The following SPINK8 variants were observed in gnomAD, a reference collection of about 807,000 sequenced individuals.
SPINK8 encodes the protein serine protease inhibitor Kazal-type 8.
Under a neutral mutation model 14.4 loss-of-function variants are expected in SPINK8, and 12 were observed. The observed-to-expected ratio is 0.83, with a 90% CI of 0.53 to 1.35. The LOEUF (loss-of-function observed/expected upper bound fraction) is 1.35. SPINK8 is among the 40% of genes most tolerant of loss of function. SPINK8 has a pLI of 0.00. For synonymous variants in SPINK8, 32 were observed against 37.6 expected (o/e 0.85, Z 0.55); for missense variants, 103 against 117.0 (o/e 0.88, Z 0.55).
At position 48,329,185 on chromosome 3, in the gene SPINK8, T is replaced by C. The variant is rs2036183880; in HGVS notation, c.-46A>G. On this transcript the variant is annotated 5_prime_UTR_variant, in exon 3 of 8. Coordinates refer to ENST00000434006, the MANE Select transcript of SPINK8 (RefSeq NM_001080525.3). ...GACTCCCATGGTTGCTCTGAGAAAC[T>C]GGCTGAACAGGATGGTTTTTGTTGA... Among the ~76,000 whole-genome samples, 1 of 152,232 alleles carries C rather than the reference T, an allele frequency of 6.6e-6. No individual in the cohort carries two copies. Among genetic ancestry groups the C allele is most frequent in the Non-Finnish European group, 1.5e-5 (1 of 68,030 alleles).
chr3:48,312,757 G>C (rs2035937980), intron 6 of SPINK8, among the ~76,000 whole-genome samples: 1 of 152,082 alleles, frequency 6.6e-6, no homozygotes, highest in Non-Finnish European at 1.5e-5. Context: ...CCAGCACTTT[G>C]GGAGGCCGAG....
At chr3:48,331,157 C>G (rs994936339) in intron 2 of SPINK8, among the ~76,000 whole-genome samples, 7 of 152,178 alleles carry the variant, frequency 4.6e-5, no homozygotes, top group Admixed American at 2.0e-4. Context: ...AATGTATGGC[C>G]TGAAGTTCAG....
intron 6 of SPINK8, among the ~76,000 whole-genome samples, chr3:48,311,249 C>T (rs999976125): frequency 9.9e-5 from 15 of 152,156 alleles, no homozygotes; most frequent in East Asian, 7.7e-4. Flanking sequence ...TTCTTCAACA[C>T]GATAAAGAAC....
rs869147798 is a variant in SPINK8, at chr3:48,307,961, CTTTTTTTTTTTTTTTT to C, written c.283-974_283-959del. 1.2e-3 allele frequency among the ~76,000 whole-genome samples: 82 copies of C among 68,226 alleles called. 2 individuals carry two copies. Among genetic ancestry groups the C allele is most frequent in the Non-Finnish European group, 3.2e-4 (12 of 37,744 alleles). 44.8% of individuals were successfully genotyped at this position (68,226 alleles called of 152,430 possible). A position where few individuals can be genotyped will look rare whatever the true frequency, so the allele number is the denominator to read the frequency against. On this transcript the variant is annotated intron_variant, in intron 7 of 7. Coordinates refer to ENST00000434006, the MANE Select transcript of SPINK8 (RefSeq NM_001080525.3). ...ATGAATTCTGACTTCAGTCTGCATT[CTTTTTTTTTTTTTTTT>C]TTTTTTTTTTTTTTGAGACGGAGTC... is the stretch of plus-strand genomic sequence containing the variant.
intron 6 of SPINK8, among the ~76,000 whole-genome samples, chr3:48,314,668 C>G (rs531139798): frequency 2.0e-5 from 3 of 152,186 alleles, no homozygotes; most frequent in Non-Finnish European, 4.4e-5. Flanking sequence ...TCTCTTGGTG[C>G]AAACAGCCTT....
At chr3:48,325,279 G>A (rs182812038) in intron 4 of SPINK8, among the ~76,000 whole-genome samples, 65 of 151,706 alleles carry the variant, frequency 4.3e-4, no homozygotes, top group Admixed American at 1.0e-3. Flanking sequence ...TAATTCATTC[G>A]CATTTAATTT....
intron 6 of SPINK8, 106 bp downstream of exon 6, chr3:48,319,391 G>T (rs2036037720): frequency 1.5e-6 from 2 of 1,297,352 alleles, no homozygotes. Context: ...TGTCTGGAGA[G>T]AAGGTCTCAT....
At position 48,329,241 on chromosome 3, in the gene SPINK8, G is replaced by T. The variant is rs527809062; in HGVS notation, c.-102C>A. On this transcript the variant is annotated 5_prime_UTR_variant, in exon 3 of 8. Coordinates refer to ENST00000434006, the MANE Select transcript of SPINK8 (RefSeq NM_001080525.3). ...TGTTCATAATGAACTAGGAAGGAAG[G>T]CAAAGCTTATTTGTCTTTTCAAGGT... 1.0e-3 allele frequency among the ~76,000 whole-genome samples: 153 copies of T among 152,348 alleles called. No homozygotes were observed. The highest frequency in any genetic ancestry group is 2.2e-3 in the Admixed American group (34 of 15,304).
At chr3:48,319,055 G>A (rs1370750570) in intron 6 of SPINK8, among the ~76,000 whole-genome samples, 2 of 152,234 alleles carry the variant, frequency 1.3e-5, no homozygotes, top group Non-Finnish European at 2.9e-5. Flanking sequence ...GCAAAAGAAA[G>A]TTGTTTTGGA....
intron 4 of SPINK8, among the ~76,000 whole-genome samples, chr3:48,327,376 G>A (rs1219297143): frequency 6.6e-6 from 1 of 152,210 alleles, no homozygotes; most frequent in Non-Finnish European, 1.5e-5. Context: ...GCATACAGGG[G>A]AGAAATAGGT....
At chr3:48,330,766 G>A (rs1034958426) in intron 2 of SPINK8, among the ~76,000 whole-genome samples, 6 of 151,488 alleles carry the variant, frequency 4.0e-5, no homozygotes, top group Admixed American at 4.0e-4. Flanking sequence ...ACAAGCCCCT[G>A]TTTAAACGTG....
At chr3:48,328,793 A>T (rs2036179591) in intron 3 of SPINK8, among the ~76,000 whole-genome samples, 1 of 152,142 alleles carries the variant, frequency 6.6e-6, no homozygotes, top group Non-Finnish European at 1.5e-5. Flanking sequence ...ACTCAACAAC[A>T]TGTGTAAGTC....
At position 48,319,172 on chromosome 3, in the gene SPINK8, G is replaced by T. The variant is rs531469293; in HGVS notation, c.239+325C>A. ...TTTGTTTCTGTTCTTTGGCCTGAGG[G>T]GGCATGAGGATGACCTTCATGTAGG... On this transcript the variant is annotated intron_variant, in intron 6 of 7. Transcript: ENST00000434006. Among the ~76,000 whole-genome samples the T allele has an allele frequency of 3.9e-5, 6 of 152,250 alleles. No homozygotes were observed. The South Asian group carries it at 1.0e-3, about 26-fold the overall frequency.
At chr3:48,328,514 C>A (rs964965965) in intron 3 of SPINK8, among the ~76,000 whole-genome samples, 160 bp from the exon 4 acceptor site, 1 of 152,068 alleles carries the variant, frequency 6.6e-6, no homozygotes, top group African/African-American at 2.4e-5. Flanking sequence ...TTGTTTAATT[C>A]ATTTCCCTAA....
intron 6 of SPINK8, chr3:48,316,236 CA>C (rs1171379288): frequency 6.5e-6 from 1 of 153,504 alleles, no homozygotes; most frequent in Non-Finnish European, 1.5e-5. Context: ...CCAGTAAGTT[CA>C]AAAAACTTAC....
rs767643652 is a variant in SPINK8 at position 48,328,319 on chromosome 3, G to A, written c.23C>T (p.Ala8Val). ...CATGGAGGTAGCTAGAACAAGGATG[G>A]CGTCTGAGCAGATCCCCTTCATGGT... MKGICSD[A>V]ILVLATSMWM... The change falls in exon 4 of 8, where the codon GCC becomes GTC. Residue 8 changes from alanine (A) to valine (V), a missense_variant. Physicochemically the swap from Ala to Val is moderately conservative, Grantham distance 64 (BLOSUM62 0). Coordinates refer to ENST00000434006, the MANE Select transcript of SPINK8 (RefSeq NM_001080525.3). 1.2e-5 allele frequency: 19 copies of A among 1,611,310 alleles called. No homozygotes were observed. In the South Asian group the frequency reaches 2.0e-4, roughly 17 times the overall value.
intron 6 of SPINK8, among the ~76,000 whole-genome samples, chr3:48,314,432 A>G (rs2035960155): frequency 6.6e-6 from 1 of 152,122 alleles, no homozygotes; most frequent in Admixed American, 6.6e-5. Flanking sequence ...ATGGCATTTT[A>G]TCTTGCTCTG....
rs1488650750 is a variant in SPINK8, at chr3:48,329,271, A to G, written c.-132T>C. ...GCTTATTTGTCTTTTCAAGGTTCCA[A>G]TGCCTGGAAGTAGAAGAGAGTGAGC... On this transcript the variant is annotated 5_prime_UTR_variant, in exon 3 of 8. Coordinates refer to ENST00000434006, the MANE Select transcript of SPINK8 (RefSeq NM_001080525.3). 2.0e-5 allele frequency among the ~76,000 whole-genome samples: 3 copies of G among 152,350 alleles called. No homozygotes were observed. Among genetic ancestry groups the G allele is most frequent in the Admixed American group, 6.5e-5 (1 of 15,308 alleles).
intron 6 of SPINK8, 87 bp downstream of exon 6, chr3:48,319,410 G>A (rs1015678163): frequency 1.4e-5 from 20 of 1,477,612 alleles, no homozygotes; most frequent in Non-Finnish European, 1.8e-5. Context: ...ATTGGATGAT[G>A]TAGGAAGTGG....
Sources: gnomAD v4.1 joint callset for allele counts (sites outside exome capture counted in the v4.1 genomes callset) on GRCh38, gnomAD v4.1.1 for gene constraint, MANE v1.5 for transcripts, NCBI Gene and HGNC (gene_info 2026-07-23, HGNC 2026-07-21) for gene names.